SMIM31: variants seen among roughly 807,000 people sequenced by gnomAD.
SMIM31 encodes the protein human epithelial cell program regulator.
intron 2 of SMIM31, among the ~76,000 whole-genome samples, chr4:164,789,916 T>C (rs1345642189): frequency 6.6e-6 from 1 of 152,230 alleles, no homozygotes; most frequent in Non-Finnish European, 1.5e-5. Context: ...TTATGTAGAA[T>C]GTCTGTTTTT....
chr4:164,784,296 G>A (rs1006423018), intron 2 of SMIM31, among the ~76,000 whole-genome samples: 1 of 152,164 alleles, frequency 6.6e-6, no homozygotes, highest in African/African-American at 2.4e-5. Flanking sequence ...ACTAATGACC[G>A]CAGTTTGGCT....
intron 2 of SMIM31, among the ~76,000 whole-genome samples, chr4:164,782,081 G>A (rs1022865129): frequency 9.2e-5 from 14 of 151,872 alleles, no homozygotes; most frequent in South Asian, 2.1e-4. Context: ...ACCTGAGGTC[G>A]GGAGTTCGAG....
At chr4:164,763,148 T>C (rs10002510) in intron 1 of SMIM31, among the ~76,000 whole-genome samples, 91,300 of 152,062 alleles carry the variant, frequency 0.6, 27,649 homozygotes, top group Admixed American at 0.65. Context: ...TAGAGACTTG[T>C]AAATTTGGCA....
chr4:164,766,642 C>CA (rs1732723845), intron 1 of SMIM31, among the ~76,000 whole-genome samples: 1 of 151,584 alleles, frequency 6.6e-6, no homozygotes, highest in Admixed American at 6.6e-5. Context: ...ACTAAAAATA[C>CA]AAAAAATTAG....
At chr4:164,783,825 A>T (rs1400475331) in intron 2 of SMIM31, among the ~76,000 whole-genome samples, 1 of 151,626 alleles carries the variant, frequency 6.6e-6, no homozygotes, top group African/African-American at 2.4e-5. Context: ...GCTAAAATAA[A>T]ATAATTAATT....
intron 1 of SMIM31, among the ~76,000 whole-genome samples, chr4:164,768,764 G>A (rs186276973): frequency 1.9e-3 from 289 of 152,232 alleles, no homozygotes; most frequent in Admixed American, 3.6e-3. Flanking sequence ...CTTCAAGAAA[G>A]AGTCCTCACA....
At chr4:164,799,561 A>G (rs67465912) in intron 2 of SMIM31, among the ~76,000 whole-genome samples, 53,331 of 151,860 alleles carry the variant, frequency 0.35, 9,880 homozygotes, top group East Asian at 0.43. Flanking sequence ...TCCTTCCTTA[A>G]CCTTTTGTTC....
At chr4:164,763,849 C>T (rs116035815) in intron 1 of SMIM31, among the ~76,000 whole-genome samples, 1,888 of 152,190 alleles carry the variant, frequency 0.012, 37 homozygotes, top group African/African-American at 0.043. Flanking sequence ...TAACTGTATA[C>T]AATTTTTATT....
At chr4:164,782,234 G>A (rs908077239) in intron 2 of SMIM31, among the ~76,000 whole-genome samples, 1 of 151,472 alleles carries the variant, frequency 6.6e-6, no homozygotes, top group Non-Finnish European at 1.5e-5. Flanking sequence ...AGGTTGCAGT[G>A]AGCCGAGACC....
At chr4:164,774,110 G>T (rs1421711528) in intron 2 of SMIM31, among the ~76,000 whole-genome samples, 1 of 149,626 alleles carries the variant, frequency 6.7e-6, no homozygotes, top group East Asian at 2.0e-4. Flanking sequence ...AGCATGCCGT[G>T]AGCTGAGATT....
At chr4:164,777,257 G>A (rs568144911) in intron 2 of SMIM31, among the ~76,000 whole-genome samples, 119 of 152,162 alleles carry the variant, frequency 7.8e-4, no homozygotes, top group Admixed American at 9.2e-4. Context: ...ATGCCCTCAG[G>A]GCAGAAGAAA....
chr4:164,782,610 T>C (rs67860438), intron 2 of SMIM31, among the ~76,000 whole-genome samples: 74,704 of 135,978 alleles, frequency 0.55, 22,928 homozygotes, highest in African/African-American at 0.84. Flanking sequence ...CGTGAGCCAC[T>C]GCGCCCGGCC....
At chr4:164,762,027 C>T (rs984949934) in intron 1 of SMIM31, among the ~76,000 whole-genome samples, 4 of 152,168 alleles carry the variant, frequency 2.6e-5, no homozygotes, top group African/African-American at 7.2e-5. Flanking sequence ...CAGCCAATGT[C>T]GGCAGGAGGG....
At position 164,782,147 on chromosome 4, in the gene SMIM31, G is replaced by A. The variant is rs540814673; in HGVS notation, c.112+11592G>A. ...CTCTACCAAAAATACAGAATTAGTC[G>A]GGGGTGGTGGCACTTGCCTGTAATC... On this transcript the variant is annotated intron_variant, in intron 2 of 2. Coordinates refer to ENST00000507311, the MANE Select transcript of SMIM31 (RefSeq NM_001352885.1). 2.6e-5 allele frequency among the ~76,000 whole-genome samples: 4 copies of A among 151,794 alleles called. No individual in the cohort carries two copies. In the South Asian group the frequency reaches 6.3e-4, roughly 24 times the overall value.
At chr4:164,798,115 T>C (rs1233570318) in intron 2 of SMIM31, among the ~76,000 whole-genome samples, 2 of 152,258 alleles carry the variant, frequency 1.3e-5, no homozygotes, top group African/African-American at 2.4e-5. Flanking sequence ...TACCACATTT[T>C]CTTTATCCAA....
chr4:164,787,715 G>GA (rs991031117), intron 2 of SMIM31, among the ~76,000 whole-genome samples: 5 of 151,502 alleles, frequency 3.3e-5, no homozygotes, highest in East Asian at 1.9e-4. Flanking sequence ...CTACCTCTTT[G>GA]AAAAAAATGT....
chr4:164,800,594 G>A (rs1377261027), intron 2 of SMIM31, among the ~76,000 whole-genome samples: 1 of 152,144 alleles, frequency 6.6e-6, no homozygotes, highest in Non-Finnish European at 1.5e-5. Context: ...AGGGACCCCA[G>A]AACAGACTGA....
chr4:164,772,796 T>C (rs1732828342), intron 2 of SMIM31, among the ~76,000 whole-genome samples: 1 of 151,368 alleles, frequency 6.6e-6, no homozygotes, highest in Non-Finnish European at 1.5e-5. Flanking sequence ...GCCGGGATGG[T>C]CTCGATCTCC....
chr4:164,760,127 C>T (rs1472409336), intron 1 of SMIM31, among the ~76,000 whole-genome samples: 6 of 152,080 alleles, frequency 3.9e-5, no homozygotes, highest in East Asian at 1.9e-4. Flanking sequence ...GAGGAAATGA[C>T]GGGGAGGAAA....
Sources: allele counts gnomAD v4.1 joint callset (sites outside exome capture counted in the v4.1 genomes callset), GRCh38; gene constraint gnomAD v4.1.1; transcripts MANE v1.5; gene names NCBI Gene and HGNC (gene_info 2026-07-23, HGNC 2026-07-21).